MSH6: variants seen among roughly 807,000 people sequenced by gnomAD.
MSH6 encodes the protein mutS homolog 6.
Under a neutral mutation model 119.1 loss-of-function variants are expected in MSH6, and 85 were observed. The observed-to-expected ratio is 0.71, with a 90% CI of 0.60 to 0.85. MSH6 has a LOEUF of 0.85. Ranked by LOEUF, MSH6 falls within the 40% of genes least tolerant of loss-of-function variation. The pLI is 0.00. For synonymous variants in MSH6, 830 were observed against 586.9 expected, an observed-to-expected ratio of 1.41 and a Z score of -5.99; for missense variants, 2,163 against 1,655.3, an observed-to-expected ratio of 1.31 and a Z score of -5.32.
At chr2:47,789,579 C>G in intron 1 of MSH6, 1 of 324,914 alleles carries the variant, frequency 3.1e-6, no homozygotes, top group Non-Finnish European at 6.3e-6. Flanking sequence ...TGACAAAGTT[C>G]TAAGGTAACA....
rs748816043 is a variant in MSH6 at position 47,798,602 on chromosome 2, G to A, written c.628-9G>A. On this transcript the variant is annotated splice_polypyrimidine_tract_variant and intron_variant, in intron 3 of 9. Coordinates refer to ENST00000234420, the MANE Select transcript of MSH6 (RefSeq NM_000179.3). ...ATTTGTTTTTAAATACTCTTTCCTT[G>A]CCTGGCAGGTAGGCACAACTTACGT... is the stretch of plus-strand genomic sequence containing the variant. 1.2e-6 allele frequency: 2 copies of A among 1,608,184 alleles called. No individual in the cohort carries two copies. The highest frequency in any genetic ancestry group is 1.7e-5 in the Admixed American group (1 of 60,006).
At chr2:47,803,133 G>C (rs3136349) in intron 4 of MSH6, among the ~76,000 whole-genome samples, 170 of 152,224 alleles carry the variant, frequency 1.1e-3, no homozygotes, top group African/African-American at 3.9e-3. Context: ...GGTCAGGCTG[G>C]TCCTGAACTG....
chr2:47,807,626 A>AT (rs1309666330), downstream of MSH6: 1 of 222,368 alleles, frequency 4.5e-6, no homozygotes, highest in African/African-American at 2.3e-5. Flanking sequence ...ACTACATGAG[A>AT]TTAAAGCATT....
Position 47,800,423 on chromosome 2 carries a change from A to G in MSH6, c.2440A>G (p.Lys814Glu), listed in dbSNP as rs1064793190. ...CTCCGAAGTTGTAGAGCTTCTAAAG[A>G]AGCTTCCAGATCTTGAGAGGCTACT... Reference protein sequence around the residue: ...KISEVVELLKKLPDLERLLSK... With the variant: ...KISEVVELLKELPDLERLLSK... The change falls in exon 4 of 10, where the codon AAG (lysine) becomes GAG (glutamate). Residue 814 changes from lysine (K) to glutamate (E), a missense_variant. Lys to Glu is a moderately conservative substitution (Grantham distance 56). Transcript: ENST00000234420. 6.2e-7 allele frequency: 1 copy of G among 1,614,074 alleles called. No homozygotes were observed. The highest frequency in any genetic ancestry group is 8.5e-7 in the Non-Finnish European group (1 of 1,180,018).
downstream of MSH6, chr2:47,807,042 T>G (rs1670256974): frequency 1.6e-6 from 1 of 615,152 alleles, no homozygotes; most frequent in Non-Finnish European, 2.9e-6. Flanking sequence ...CCACAATATA[T>G]TAAGTCTAGA....
intron 4 of MSH6, 162 bp downstream of exon 4, chr2:47,801,317 C>A: frequency 2.4e-6 from 1 of 418,310 alleles, no homozygotes; most frequent in East Asian, 5.3e-5. Context: ...ATTTAAGTTA[C>A]TTGAAACTCG....
At chr2:47,789,699 A>G (rs1668609372) in intron 1 of MSH6, among the ~76,000 whole-genome samples, 1 of 152,216 alleles carries the variant, frequency 6.6e-6, no homozygotes, top group Non-Finnish European at 1.5e-5. Flanking sequence ...CCCTTATGAG[A>G]TGTAGTATTT....
chr2:47,806,689 C>T (rs1228853988), intron 9 of MSH6, 38 bp downstream of exon 9: 1 of 1,589,348 alleles, frequency 6.3e-7, no homozygotes, highest in Non-Finnish European at 8.6e-7. Context: ...AACTAACTGA[C>T]CTTAAGTTTC....
At chr2:47,784,336 TA>T in intron 1 of MSH6, 2 of 799,812 alleles carry the variant, frequency 2.5e-6, no homozygotes, top group Non-Finnish European at 3.0e-6. Context: ...TGAAATAGTG[TA>T]ATTTTTATGG....
intron 4 of MSH6, among the ~76,000 whole-genome samples, chr2:47,802,372 T>C (rs1274650332): frequency 4.6e-5 from 7 of 152,128 alleles, no homozygotes; most frequent in Admixed American, 4.6e-4. Flanking sequence ...GTCTTGCTGT[T>C]TTCAGACTGG....
Position 47,783,488 on chromosome 2 carries a change from C to T in MSH6, c.255C>T (p.Pro85=), listed in dbSNP as rs587779242. 2.8e-6 allele frequency: 4 copies of T among 1,427,284 alleles called. No individual in the cohort carries two copies. The highest frequency in any genetic ancestry group is 1.5e-5 in the African/African-American group (1 of 66,232). The allele number at this position is 1,427,284 out of a possible 1,614,324, so 88.4% of individuals were successfully genotyped here. A position where few individuals can be genotyped will look rare whatever the true frequency, so the allele number is the denominator to read the frequency against. ...GGAGATCGGTAGCGCCTGCTGCCCC[C>T]ACCAGGTAGCGGGGTGGGGGTGGGG... ...GLRRSVAPAA[P]TSCDFSPGDL... is the part of the protein sequence containing the mutation. The change falls in exon 1 of 10, where the codon CCC becomes CCT. Residue 85 remains proline, a synonymous_variant. Transcript: ENST00000234420.
At position 47,803,672 on chromosome 2, in the gene MSH6, C is replaced by T. The variant is rs267608089; in HGVS notation, c.3425C>T (p.Thr1142Met). 59 of 1,614,044 alleles carry T rather than the reference C, an allele frequency of 3.7e-5. No homozygotes were observed. The highest frequency in any genetic ancestry group is 6.7e-5 in the East Asian group (3 of 44,898). ...VTGPNMGGKS[T>M]LMRQAGLLAV... is the part of the protein sequence containing the mutation. ...GGACCAAATATGGGGGGCAAGTCTA[C>T]GCTTATGAGACAGGTAACTGATTCT... Residue 1142 changes from threonine (T) to methionine (M), a missense_variant, in exon 5 of 10, where the codon ACG becomes ATG. Coordinates refer to ENST00000234420, the MANE Select transcript of MSH6 (RefSeq NM_000179.3).
chr2:47,786,802 TTTG>T (rs764492223), intron 1 of MSH6, among the ~76,000 whole-genome samples: 17 of 152,104 alleles, frequency 1.1e-4, no homozygotes, highest in African/African-American at 1.7e-4. Context: ...AGTTTATGGC[TTTG>T]TTGTTGTTGT....
intron 1 of MSH6, among the ~76,000 whole-genome samples, chr2:47,787,514 CCCA>C (rs1668418583): frequency 6.6e-6 from 1 of 152,010 alleles, no homozygotes; most frequent in Non-Finnish European, 1.5e-5. Flanking sequence ...AACATTTTTC[CCCA>C]CCGTCTTAAA....
chr2:47,783,981 G>T, intron 1 of MSH6: 1 of 1,034,770 alleles, frequency 9.7e-7, no homozygotes, highest in Non-Finnish European at 1.2e-6. Flanking sequence ...GGTGCGAAAG[G>T]AGGTTCCTCG....
In MSH6 at chr2:47,800,988, G is replaced by A. The variant is rs1064794070; in HGVS notation, c.3005G>A (p.Gly1002Asp). The A allele has an allele frequency of 6.4e-7, 1 of 1,562,240 alleles. No homozygotes were observed. Among genetic ancestry groups the A allele is most frequent in the Non-Finnish European group, 8.6e-7 (1 of 1,156,632 alleles). ...EEYELKSTKK[G>D]CKRYWTKTIE... ...TACGAGTTGAAATCTACCAAGAAGG[G>A]CTGTAAACGATACTGGACCAAAACT... Residue 1002 changes from glycine to aspartate, a missense_variant, in exon 4 of 10, where the codon GGC becomes GAC. Coordinates refer to ENST00000234420, the MANE Select transcript of MSH6 (RefSeq NM_000179.3).
At chr2:47,808,062 A>G (rs930894574), downstream of MSH6, 11 of 1,464,572 alleles carry the variant, frequency 7.5e-6, no homozygotes, top group African/African-American at 2.8e-5. Context: ...TTCTTCCAAA[A>G]AAGTGTTTTA....
chr2:47,794,629 G>A (rs901681973), intron 2 of MSH6, among the ~76,000 whole-genome samples: 1 of 152,074 alleles, frequency 6.6e-6, no homozygotes, highest in African/African-American at 2.4e-5. Context: ...AACGCGTTGA[G>A]TCTGAACTGG....
intron 1 of MSH6, among the ~76,000 whole-genome samples, chr2:47,788,114 C>T (rs1010516468): frequency 6.6e-6 from 1 of 152,044 alleles, no homozygotes; most frequent in Non-Finnish European, 1.5e-5. Flanking sequence ...AAACCAGTTT[C>T]CTGGGTCCAG....
Sources: allele counts gnomAD v4.1 joint callset (sites outside exome capture counted in the v4.1 genomes callset), GRCh38; gene constraint gnomAD v4.1.1; transcripts MANE v1.5; gene names NCBI Gene and HGNC (gene_info 2026-07-23, HGNC 2026-07-21).